TMEM178A: variants seen among roughly 807,000 people sequenced by gnomAD.
TMEM178A encodes transmembrane protein 178.
Under a neutral mutation model 29.1 loss-of-function variants are expected in TMEM178A, and 12 were observed. The observed-to-expected ratio is 0.41, with a 90% CI of 0.26 to 0.67. TMEM178A has a LOEUF of 0.67. Ranked by LOEUF, TMEM178A falls within the 30% of genes least tolerant of loss-of-function variation. TMEM178A has a pLI of 0.29. For synonymous variants in TMEM178A, 210 were observed against 187.2 expected (o/e 1.12, Z -0.99); for missense variants, 366 against 419.1 (o/e 0.87, Z 1.11).
At chr2:39,682,879 A>ATGATCTGCCACAAATG (rs1334703823) in intron 1 of TMEM178A, among the ~76,000 whole-genome samples, 2 of 152,144 alleles carry the variant, frequency 1.3e-5, no homozygotes, top group Non-Finnish European at 2.9e-5. Flanking sequence ...GACAGGTGTG[A>ATGATCTGCCACAAATG]GCAGATCTCA....
chr2:39,726,328 G>A, the TMEM178A span, among the ~76,000 whole-genome samples: 1 of 152,198 alleles, frequency 6.6e-6, no homozygotes, highest in Non-Finnish European at 1.5e-5. Flanking sequence ...GGTGTCCTGA[G>A]GAATGTCCAG....
chr2:39,671,997 C>T (rs1031163378), intron 1 of TMEM178A, among the ~76,000 whole-genome samples: 61 of 152,112 alleles, frequency 4.0e-4, no homozygotes, highest in African/African-American at 1.4e-3. Flanking sequence ...TTAAATGAGC[C>T]CTTTTTGATT....
intron 1 of TMEM178A, among the ~76,000 whole-genome samples, chr2:39,673,612 C>A (rs1200751664): frequency 6.6e-6 from 1 of 152,162 alleles, no homozygotes; most frequent in African/African-American, 2.4e-5. Context: ...TCTGAGTGTA[C>A]AGATAATTCC....
In TMEM178A at chr2:39,666,073, G is replaced by C; in HGVS notation, c.99G>C (p.Glu33Asp). The change falls in exon 1 of 4, where the codon GAG (glutamate) becomes GAC (aspartate). Residue 33 changes from glutamate (E) to aspartate (D), a missense_variant. Around this residue, in one of 2 missense-constraint regions of TMEM178A, gnomAD observed 247 missense variants for 246.8 expected, o/e 1.00. Coordinates refer to ENST00000281961, the MANE Select transcript of TMEM178A (RefSeq NM_152390.3). ...CCATCTTCACCGACCACTGGTACGAGACCGACCCCCGGCGCCACAAGGAGA... is the reference window on the plus strand; with the variant it reads ...CCATCTTCACCGACCACTGGTACGACACCGACCCCCGGCGCCACAAGGAGA... ...VTAIFTDHWY[E>D]TDPRRHKESC... The C allele has an allele frequency of 1.3e-6, 2 of 1,570,334 alleles. No homozygotes were observed. The highest frequency in any genetic ancestry group is 1.7e-6 in the Non-Finnish European group (2 of 1,161,768).
intron 1 of TMEM178A, among the ~76,000 whole-genome samples, chr2:39,684,716 C>A (rs980289173): frequency 6.6e-6 from 1 of 152,178 alleles, no homozygotes; most frequent in Admixed American, 6.5e-5. Context: ...TCTTCTCCCC[C>A]GGTCCCTGTC....
chr2:39,711,199 G>T (rs955070776), intron 3 of TMEM178A, among the ~76,000 whole-genome samples: 2 of 152,206 alleles, frequency 1.3e-5, no homozygotes, highest in African/African-American at 4.8e-5. Flanking sequence ...TTAAGCTTCT[G>T]CCCATTACTA....
intron 3 of TMEM178A, among the ~76,000 whole-genome samples, chr2:39,711,907 CG>C (rs1672318783): frequency 6.6e-6 from 1 of 152,060 alleles, no homozygotes. Context: ...GCTAAACATA[CG>C]AATATTCACA....
chr2:39,677,238 C>T (rs73927015), intron 1 of TMEM178A, among the ~76,000 whole-genome samples: 2,452 of 152,178 alleles, frequency 0.016, 66 homozygotes, highest in African/African-American at 0.056. Context: ...TCCCTTCACC[C>T]CCACTCCTCA....
intron 1 of TMEM178A, among the ~76,000 whole-genome samples, chr2:39,668,009 A>G (rs950571841): frequency 1.3e-5 from 2 of 152,218 alleles, no homozygotes; most frequent in African/African-American, 2.4e-5. Context: ...TACACTTTCT[A>G]TGCTTAGAGT....
chr2:39,717,285 A>G lies in TMEM178A; in HGVS notation c.*34A>G, dbSNP rs578216651. On this transcript the variant is annotated 3_prime_UTR_variant, in exon 4 of 4. Coordinates refer to ENST00000281961, the MANE Select transcript of TMEM178A (RefSeq NM_152390.3). ...ACTGGGCCTGTCCACAGTGCGAGCG[A>G]CTCCTGAGGGGAACAGCGCGGAGTT... The G allele has an allele frequency of 1.9e-6, 3 of 1,596,948 alleles. No individual in the cohort carries two copies. The highest frequency in any genetic ancestry group is 3.4e-5 in the Admixed American group (2 of 58,434).
At chr2:39,694,650 G>A (rs1476997680) in intron 1 of TMEM178A, among the ~76,000 whole-genome samples, 1 of 152,074 alleles carries the variant, frequency 6.6e-6, no homozygotes, top group Non-Finnish European at 1.5e-5. Context: ...AAAGAGATGT[G>A]CTATAAGTAG....
chr2:39,728,478 C>T, the TMEM178A span, among the ~76,000 whole-genome samples: 1 of 152,120 alleles, frequency 6.6e-6, no homozygotes, highest in Non-Finnish European at 1.5e-5. Context: ...TTGTTCTTTT[C>T]TGGGCCACAC....
intron 3 of TMEM178A, among the ~76,000 whole-genome samples, 179 bp from the exon 4 acceptor site, chr2:39,716,831 C>T (rs1463309457): frequency 3.9e-5 from 6 of 151,966 alleles, no homozygotes; most frequent in Non-Finnish European, 8.8e-5. Flanking sequence ...GTCTGGCACA[C>T]AGAAGTTTTG....
chr2:39,683,140 C>T (rs542259519), intron 1 of TMEM178A, among the ~76,000 whole-genome samples: 2 of 152,280 alleles, frequency 1.3e-5, no homozygotes, highest in South Asian at 2.1e-4. Context: ...CAGGCAAATG[C>T]CACTTTATTA....
Position 39,681,694 on chromosome 2 carries a change from A to G in TMEM178A, c.400+15320A>G, listed in dbSNP as rs546015825. ...CAAAATCCATGGGAGACTATGAACTAGAAAACTGAAATTACTCTGTAGTAG... is the reference window on the plus strand; with the variant it reads ...CAAAATCCATGGGAGACTATGAACTGGAAAACTGAAATTACTCTGTAGTAG... On this transcript the variant is annotated intron_variant, in intron 1 of 3. Coordinates refer to ENST00000281961, the MANE Select transcript of TMEM178A (RefSeq NM_152390.3). Among the ~76,000 whole-genome samples, 5 of 152,354 alleles carry G rather than the reference A, an allele frequency of 3.3e-5. No homozygotes were observed. The South Asian group carries it at 6.2e-4, about 19-fold the overall frequency.
intron 1 of TMEM178A, among the ~76,000 whole-genome samples, chr2:39,702,180 G>A (rs995720962): frequency 1.3e-5 from 2 of 151,762 alleles, no homozygotes; most frequent in African/African-American, 4.8e-5. Context: ...CCCTTTCTAG[G>A]GTTGATTATT....
At chr2:39,723,451 T>G in the TMEM178A span, among the ~76,000 whole-genome samples, 2 of 152,208 alleles carry the variant, frequency 1.3e-5, no homozygotes, top group Admixed American at 1.3e-4. Flanking sequence ...AGCACTTAAT[T>G]AATTCTAAGA....
At chr2:39,709,080 T>C (rs1239221252) in intron 3 of TMEM178A, among the ~76,000 whole-genome samples, 2 of 152,246 alleles carry the variant, frequency 1.3e-5, no homozygotes, top group Non-Finnish European at 2.9e-5. Context: ...CTCACTGTAA[T>C]GGGTCACTTA....
intron 1 of TMEM178A, among the ~76,000 whole-genome samples, chr2:39,678,888 C>T (rs1467217201): frequency 6.6e-6 from 1 of 152,312 alleles, no homozygotes; most frequent in East Asian, 1.9e-4. Context: ...ACTTTCGTAT[C>T]TCTGTGTCAT....
Sources: gnomAD v4.1 joint callset for allele counts (sites outside exome capture counted in the v4.1 genomes callset) on GRCh38, gnomAD v4.1.1 for gene constraint, gnomAD v4.1.1 regional missense constraint, MANE v1.5 for transcripts, NCBI Gene and HGNC (gene_info 2026-07-23, HGNC 2026-07-21) for gene names.